Variants in PAK1 observed in about 807,000 individuals in gnomAD.
PAK1 encodes the protein p21 (RAC1) activated kinase 1.
A neutral mutation model predicts 67.4 loss-of-function variants in PAK1; 29 were observed. The ratio of observed to expected loss-of-function variants is 0.43; its 90% CI spans 0.32 to 0.59. PAK1 has a LOEUF of 0.59. PAK1 is among the 20% of genes least tolerant of loss of function. The pLI, the probability that PAK1 is intolerant of heterozygous loss-of-function variation, is 0.07. For missense variants in PAK1, 337 were observed against 670.7 expected (o/e 0.50, Z 5.50); for synonymous variants, 223 against 237.4 (o/e 0.94, Z 0.56).
At chr11:77,519,918 C>G in the PAK1 span, among the ~76,000 whole-genome samples, 51 of 152,320 alleles carry the variant, frequency 3.3e-4, no homozygotes, top group South Asian at 9.5e-3. Flanking sequence ...AAGATGGAGT[C>G]CTGCTAACAG....
chr11:77,518,676 G>A, the PAK1 span, among the ~76,000 whole-genome samples: 1 of 152,102 alleles, frequency 6.6e-6, no homozygotes, highest in African/African-American at 2.4e-5. Context: ...ATCATCTGAA[G>A]TGTCATCACT....
intron 1 of PAK1, among the ~76,000 whole-genome samples, chr11:77,410,456 G>T (rs1954333000): frequency 6.6e-6 from 1 of 152,202 alleles, no homozygotes; most frequent in Non-Finnish European, 1.5e-5. Flanking sequence ...CTAGATGCAA[G>T]TGAGTTAGGT....
chr11:77,440,125 TG>T (rs2138426425), intron 1 of PAK1, among the ~76,000 whole-genome samples: 1 of 152,338 alleles, frequency 6.6e-6, no homozygotes, highest in African/African-American at 2.4e-5. Context: ...AAGTATAAAA[TG>T]AATATATCAG....
chr11:77,483,422 TCTATCAACAGA>T, the PAK1 span, among the ~76,000 whole-genome samples: 2 of 152,174 alleles, frequency 1.3e-5, no homozygotes, highest in African/African-American at 4.8e-5. Context: ...AGCACACCAG[TCTATCAACAGA>T]CATTTATCAA....
chr11:77,437,923 G>T (rs1332524887), intron 1 of PAK1, among the ~76,000 whole-genome samples: 1 of 152,090 alleles, frequency 6.6e-6, no homozygotes, highest in East Asian at 1.9e-4. Flanking sequence ...TGGAACTGAG[G>T]TCTCCTGATT....
chr11:77,444,477 C>G lies in PAK1; in HGVS notation c.-22+29075G>C, dbSNP rs1380570493. On this transcript the variant is annotated intron_variant, in intron 1 of 14. Transcript: ENST00000356341. ...CCACAGATTGAGAAATGTCCTGATT[C>G]ACCCTCGTTTTCTAATGTGAAATTC... is the stretch of plus-strand genomic sequence containing the variant. Among the ~76,000 whole-genome samples the G allele has an allele frequency of 1.3e-5, 2 of 152,174 alleles. 1 individual carries two copies. Among genetic ancestry groups the G allele is most frequent in the South Asian group, 4.1e-4 (2 of 4,830 alleles).
upstream of PAK1, chr11:77,474,194 TC>T (rs1379214155): frequency 7.7e-6 from 1 of 130,566 alleles, no homozygotes; most frequent in Non-Finnish European, 1.8e-5. Context: ...CCCCTCCCCC[TC>T]CCCCACTCCC....
chr11:77,355,760 T>C lies in PAK1; in HGVS notation c.680A>G (p.Asn227Ser). 1.9e-6 allele frequency: 3 copies of C among 1,613,474 alleles called. No individual in the cohort carries two copies. Among genetic ancestry groups the C allele is most frequent in the Non-Finnish European group, 2.5e-6 (3 of 1,179,444 alleles). ...CAAAGCATCTGGTGGAGTGGTGTTA[T>C]TTTCAGTAGGTGAAATGGGAGATGT... ...VATSPISPTE[N>S]NTTPPDALTR... The change falls in exon 7 of 15, where the codon AAT (asparagine) becomes AGT (serine). Residue 227 changes from asparagine to serine, a missense_variant. By Grantham distance (46) the Asn-to-Ser change is conservative. This residue lies in a region of PAK1 where 150 missense variants were observed against 179.0 expected (regional missense o/e 0.84). Coordinates refer to ENST00000356341, the MANE Select transcript of PAK1 (RefSeq NM_002576.5).
chr11:77,474,482 T>C (rs1337846506), upstream of PAK1: 1 of 152,054 alleles, frequency 6.6e-6, no homozygotes, highest in Admixed American at 6.5e-5. Flanking sequence ...ATCAGACAAT[T>C]TTGGGACGAT....
chr11:77,327,325 A>G (rs1280037456), intron 14 of PAK1, among the ~76,000 whole-genome samples: 2 of 152,280 alleles, frequency 1.3e-5, no homozygotes, highest in Admixed American at 1.3e-4. Flanking sequence ...TCCAAGACAC[A>G]TAATTGTCAG....
chr11:77,378,368 T>C (rs1240045960), intron 4 of PAK1, among the ~76,000 whole-genome samples: 2 of 152,202 alleles, frequency 1.3e-5, no homozygotes, highest in African/African-American at 4.8e-5. Flanking sequence ...CTGAAAAATA[T>C]AGTCCCTTCT....
chr11:77,493,458 T>TTG, the PAK1 span, among the ~76,000 whole-genome samples: 5 of 138,794 alleles, frequency 3.6e-5, no homozygotes, highest in African/African-American at 1.4e-4. Context: ...TTTTTTTTTT[T>TTG]TTTTTTTTTT....
chr11:77,483,839 A>G, the PAK1 span, among the ~76,000 whole-genome samples: 5 of 152,208 alleles, frequency 3.3e-5, no homozygotes, highest in African/African-American at 9.7e-5. Flanking sequence ...AAATTTAGTA[A>G]AGTAGACATG....
chr11:77,514,700 G>T, the PAK1 span, among the ~76,000 whole-genome samples: 40 of 152,156 alleles, frequency 2.6e-4, no homozygotes, highest in Non-Finnish European at 4.9e-4. Flanking sequence ...TTAGTCTGAG[G>T]CTTCCTGGGC....
intron 11 of PAK1, 55 bp downstream of exon 11, chr11:77,340,591 A>C: frequency 1.1e-6 from 1 of 873,130 alleles, no homozygotes; most frequent in Non-Finnish European, 2.0e-6. Flanking sequence ...GAACTTCAGG[A>C]GACAGGAATA....
chr11:77,469,416 C>T (rs1465642153), intron 1 of PAK1, among the ~76,000 whole-genome samples: 3 of 152,136 alleles, frequency 2.0e-5, no homozygotes, highest in Non-Finnish European at 4.4e-5. Flanking sequence ...GTAAGCTTAC[C>T]ACCACCTAAC....
chr11:77,378,302 T>C (rs2729760), intron 4 of PAK1, among the ~76,000 whole-genome samples: 57,327 of 151,930 alleles, frequency 0.38, 11,047 homozygotes, highest in South Asian at 0.52. Flanking sequence ...CAAAAGGTGA[T>C]GTTACAGGAA....
rs58488346 is a variant in PAK1 at position 77,383,343 on chromosome 11, A to C, written c.191-3349T>G. 9.7e-3 allele frequency among the ~76,000 whole-genome samples: 1,179 copies of C among 121,682 alleles called. 26 individuals are homozygous for C. The highest frequency in any genetic ancestry group is 0.038 in the African/African-American group (1,116 of 29,432). 79.8% of individuals were successfully genotyped at this position (121,682 alleles called of 152,430 possible). A position where few individuals can be genotyped will look rare whatever the true frequency, so the allele number is the denominator to read the frequency against. Reference sequence around the variant, plus strand: ...GTAATTTTTTTTTTTTTTTTTTTTGAGACAGAGTCTCACTCTTGTTGCCCA... The same window carrying C: ...GTAATTTTTTTTTTTTTTTTTTTTGCGACAGAGTCTCACTCTTGTTGCCCA... On this transcript the variant is annotated intron_variant, in intron 2 of 14. Transcript: ENST00000356341.
At chr11:77,460,162 A>AG (rs1957271685) in intron 1 of PAK1, among the ~76,000 whole-genome samples, 2 of 151,212 alleles carry the variant, frequency 1.3e-5, no homozygotes, top group South Asian at 4.2e-4. Flanking sequence ...TAGAATAGAA[A>AG]AAAAAAAAAA....
Sources: allele counts gnomAD v4.1 joint callset (sites outside exome capture counted in the v4.1 genomes callset), GRCh38; gene constraint gnomAD v4.1.1; regional missense constraint gnomAD v4.1.1; transcripts MANE v1.5; gene names NCBI Gene and HGNC (gene_info 2026-07-23, HGNC 2026-07-21).